The following PDE10A variants were observed in gnomAD, a reference collection of about 807,000 sequenced individuals.
PDE10A encodes phosphodiesterase 10A, also known as cAMP and cAMP-inhibited cGMP 3',5'-cyclic phosphodiesterase 10A.
A neutral mutation model predicts 97.7 loss-of-function variants in PDE10A; 39 were observed. That is an observed-to-expected ratio of 0.40 (90% CI 0.31 to 0.52). The LOEUF (loss-of-function observed/expected upper bound fraction) is 0.52. Among genes scored for constraint, PDE10A ranks in the 20% least tolerant of loss-of-function variants. The pLI is 0.56. For synonymous variants in PDE10A, 371 were observed against 376.8 expected (o/e 0.98, Z 0.18); for missense variants, 731 against 1,047.8 (o/e 0.70, Z 4.17).
intron 1 of PDE10A, among the ~76,000 whole-genome samples, chr6:165,847,438 C>G (rs938279106): frequency 1.2e-4 from 19 of 152,246 alleles, no homozygotes; most frequent in African/African-American, 4.3e-4. Context: ...ACACAGACAA[C>G]GCTTCCACGG....
At chr6:165,582,462 G>C (rs1785668577) in intron 1 of PDE10A, among the ~76,000 whole-genome samples, 1 of 152,106 alleles carries the variant, frequency 6.6e-6, no homozygotes, top group African/African-American at 2.4e-5. Flanking sequence ...CTAAGGTACA[G>C]TTGTTCACAT....
chr6:165,668,560 G>T (rs2128435355), intron 1 of PDE10A, among the ~76,000 whole-genome samples: 2 of 147,724 alleles, frequency 1.4e-5, no homozygotes, highest in East Asian at 3.9e-4. Flanking sequence ...GCAGTTACAG[G>T]AGAAAGAAAT....
intron 1 of PDE10A, among the ~76,000 whole-genome samples, chr6:165,958,573 GAAAGAAAGACA>G (rs1158046641): frequency 1.7e-4 from 4 of 22,932 alleles, no homozygotes; most frequent in African/African-American, 5.6e-4. Flanking sequence ...AAGACAGACA[GAAAGAAAGACA>G]GAAAGAGAGA....
chr6:165,838,974 G>A (rs745648785), intron 1 of PDE10A, among the ~76,000 whole-genome samples: 5 of 152,348 alleles, frequency 3.3e-5, no homozygotes, highest in Admixed American at 6.5e-5. Flanking sequence ...ATCAGGAACC[G>A]TGACTGGTGT....
In PDE10A at chr6:165,980,157, A is replaced by T. The variant is rs139941421; in HGVS notation, c.-615+7372T>A. Reference sequence around the variant, plus strand: ...TTCTACATTTCAAATACTCTATCCCACTCTTTTGAGAAATATGCTTATACT... The same window carrying T: ...TTCTACATTTCAAATACTCTATCCCTCTCTTTTGAGAAATATGCTTATACT... On this transcript the variant is annotated intron_variant, in intron 1 of 19. Coordinates refer to the PDE10A transcript ENST00000366882. Among the ~76,000 whole-genome samples the T allele has an allele frequency of 3.7e-3, 566 of 152,034 alleles. 2 individuals carry two copies. Among genetic ancestry groups the T allele is most frequent in the African/African-American group, 0.013 (532 of 41,468 alleles).
At chr6:165,823,067 C>T (rs978811301) in intron 1 of PDE10A, among the ~76,000 whole-genome samples, 24 of 151,724 alleles carry the variant, frequency 1.6e-4, no homozygotes, top group Admixed American at 3.3e-4. Flanking sequence ...CTCCTGACCT[C>T]GTGATCCACC....
intron 17 of PDE10A, among the ~76,000 whole-genome samples, chr6:165,383,953 A>G (rs780269854): frequency 1.9e-4 from 29 of 152,156 alleles, no homozygotes; most frequent in Non-Finnish European, 3.1e-4. Flanking sequence ...AACCCGGCCA[A>G]TGGCACAGGG....
intron 1 of PDE10A, among the ~76,000 whole-genome samples, chr6:165,917,817 C>T (rs543148560): frequency 1.1e-4 from 16 of 152,284 alleles, no homozygotes; most frequent in South Asian, 1.0e-3. Flanking sequence ...TCTTCTGCAT[C>T]CCAGAGCCCC....
chr6:165,869,709 A>G (rs746172778), intron 1 of PDE10A, among the ~76,000 whole-genome samples: 9 of 152,204 alleles, frequency 5.9e-5, no homozygotes, highest in Non-Finnish European at 1.3e-4. Flanking sequence ...CTACAAAGCT[A>G]CAGTAACCAA....
Position 165,388,457 on chromosome 6 carries a change from T to TA in PDE10A, c.2455-5dup, listed in dbSNP as rs1470457615. The TA allele has an allele frequency of 3.1e-6, 5 of 1,613,552 alleles. No homozygotes were observed. The highest frequency in any genetic ancestry group is 1.3e-5 in the African/African-American group (1 of 74,918). On this transcript the variant is annotated splice_region_variant and splice_polypyrimidine_tract_variant and intron_variant, in intron 16 of 21. Coordinates refer to ENST00000539869, the MANE Select transcript of PDE10A (RefSeq NM_001385079.1). This position sits in a 1 kb window ranked among gnomAD's most constrained non-coding sequence, Gnocchi z 4.0. Reference sequence around the variant, plus strand: ...ACGCAATCAGCAGTCCTTTGCGCTTTAAAAAATAATATGATGCAGAGATGC... The same window carrying TA: ...ACGCAATCAGCAGTCCTTTGCGCTTTAAAAAAATAATATGATGCAGAGATGC...
intron 2 of PDE10A, among the ~76,000 whole-genome samples, chr6:165,529,103 TCA>T (rs1029370549): frequency 3.9e-5 from 6 of 152,148 alleles, no homozygotes; most frequent in Admixed American, 3.3e-4. Context: ...CCACCAGGAC[TCA>T]CAACAACGAT....
At chr6:165,800,619 C>T (rs950447683) in intron 1 of PDE10A, among the ~76,000 whole-genome samples, 6 of 152,122 alleles carry the variant, frequency 3.9e-5, no homozygotes, top group Admixed American at 2.0e-4. Flanking sequence ...TCCCACCCCC[C>T]GACTTTACGG....
At chr6:165,824,858 G>C (rs574694532) in intron 1 of PDE10A, among the ~76,000 whole-genome samples, 1 of 151,596 alleles carries the variant, frequency 6.6e-6, no homozygotes, top group Non-Finnish European at 1.5e-5. Context: ...GGCTGGGTGC[G>C]GTGGCTCATG....
At chr6:165,398,212 A>C (rs183706214) in intron 13 of PDE10A, among the ~76,000 whole-genome samples, 2 of 152,326 alleles carry the variant, frequency 1.3e-5, no homozygotes, top group African/African-American at 4.8e-5. Context: ...CAAATGGAAT[A>C]AAGTTTGTAT....
At position 165,388,361 on chromosome 6, in the gene PDE10A, G is replaced by C. The variant is rs779315217; in HGVS notation, c.2547C>G (p.Ala849=). The change falls in exon 17 of 22, where the codon GCC becomes GCG. Residue 849 remains alanine, a synonymous_variant. Transcript: ENST00000539869. This position sits in a 1 kb window ranked among gnomAD's most constrained non-coding sequence, Gnocchi z 4.0. ...CCATGGTGGAAGTGGAGTAGAGAGC[G>C]GCCAGAGGGTGGTCGAACTTCTGCA... ...SYLQKFDHPL[A]ALYSTSTMEQ... 1 of 1,614,104 alleles carries C rather than the reference G, an allele frequency of 6.2e-7. No individual in the cohort carries two copies.
rs554786026 is a variant in PDE10A at position 165,770,818 on chromosome 6, G to A, written c.-615+216711C>T. Reference sequence around the variant, plus strand: ...TTTGAGGTCAAGACTTCACCTACAAGAGAAAAGAGCACTTGGAGGCTTCGC... The same window carrying A: ...TTTGAGGTCAAGACTTCACCTACAAAAGAAAAGAGCACTTGGAGGCTTCGC... On this transcript the variant is annotated intron_variant, in intron 1 of 19. Transcript: ENST00000366882. Among the ~76,000 whole-genome samples, 7 of 152,308 alleles carry A rather than the reference G, an allele frequency of 4.6e-5. No homozygotes were observed. In the South Asian group the frequency reaches 8.3e-4, roughly 18 times the overall value.
rs150527742 is a variant in PDE10A, at chr6:165,607,075, G to A, written c.865+54872C>T. The stretch of plus-strand genomic sequence containing the variant: ...TGCTTCCCAACTTAGAAGTGGTTTC[G>A]TTAAAAATGCTTTCAGAATACTTAT... On this transcript the variant is annotated intron_variant, in intron 1 of 21. Transcript: ENST00000539869. Among the ~76,000 whole-genome samples the A allele has an allele frequency of 7.6e-3, 1,157 of 152,100 alleles. 21 individuals are homozygous for A. The highest frequency in any genetic ancestry group is 0.027 in the African/African-American group (1,107 of 41,474).
intron 1 of PDE10A, among the ~76,000 whole-genome samples, chr6:165,863,170 C>T (rs1161482399): frequency 6.6e-6 from 1 of 152,174 alleles, no homozygotes. Flanking sequence ...GCCAACCACA[C>T]CGTGAGGACC....
intron 1 of PDE10A, among the ~76,000 whole-genome samples, chr6:165,791,992 T>C (rs1461915401): frequency 6.6e-6 from 1 of 152,208 alleles, no homozygotes; most frequent in Non-Finnish European, 1.5e-5. Context: ...TGTTCTGCTG[T>C]GGCAGATGGA....
Sources: gnomAD v4.1 joint callset for allele counts (sites outside exome capture counted in the v4.1 genomes callset) on GRCh38, gnomAD v4.1.1 for gene constraint, Gnocchi (gnomAD v3.1) non-coding constraint, MANE v1.5 for transcripts, NCBI Gene and HGNC (gene_info 2026-07-23, HGNC 2026-07-21) for gene names.